The following STPG2 variants were observed in gnomAD, a reference collection of about 807,000 sequenced individuals.
The protein encoded by STPG2 is sperm-tail PG-rich repeat-containing protein 2.
A neutral mutation model predicts 54.2 loss-of-function variants in STPG2; 56 were observed. The ratio of observed to expected loss-of-function variants is 1.03; its 90% CI spans 0.83 to 1.29. STPG2 has a LOEUF of 1.29. Among genes scored for constraint, STPG2 ranks in the 50% most tolerant of loss-of-function variants. STPG2 has a pLI of 0.00. For synonymous variants in STPG2, 200 were observed against 181.8 expected, an observed-to-expected ratio of 1.10 and a Z score of -0.81; for missense variants, 596 against 544.9, an observed-to-expected ratio of 1.09 and a Z score of -0.93.
intron 8 of STPG2, among the ~76,000 whole-genome samples, chr4:97,909,226 T>C (rs566417901): frequency 1.3e-5 from 2 of 151,794 alleles, no homozygotes; most frequent in Admixed American, 1.3e-4. Flanking sequence ...AAGCACATTA[T>C]GAACAACTTT....
intron 8 of STPG2, among the ~76,000 whole-genome samples, chr4:97,935,407 T>TTGG (rs1732711556): frequency 6.6e-6 from 1 of 152,178 alleles, no homozygotes; most frequent in Non-Finnish European, 1.5e-5. Flanking sequence ...CTTAGTTATT[T>TTGG]CTTGTCTTCT....
intron 9 of STPG2, among the ~76,000 whole-genome samples, chr4:97,736,561 C>T (rs1361325987): frequency 2.0e-5 from 3 of 152,160 alleles, no homozygotes; most frequent in Admixed American, 6.5e-5. Flanking sequence ...GATTATATCC[C>T]GCACCTGGCT....
chr4:97,972,541 A>C, intron 6 of STPG2, 101 bp from the exon 7 acceptor site: 1 of 662,742 alleles, frequency 1.5e-6, no homozygotes, highest in Non-Finnish European at 2.2e-6. Flanking sequence ...TAAATAAAAA[A>C]CCCTCACATA....
At chr4:97,791,855 T>C (rs1190862038) in intron 9 of STPG2, among the ~76,000 whole-genome samples, 1 of 151,748 alleles carries the variant, frequency 6.6e-6, no homozygotes, top group Non-Finnish European at 1.5e-5. Context: ...CCACCATAGC[T>C]ATTCAAGCTA....
intron 4 of STPG2, among the ~76,000 whole-genome samples, chr4:97,540,899 G>C (rs1731683056): frequency 6.6e-6 from 1 of 152,028 alleles, no homozygotes; most frequent in African/African-American, 2.4e-5. Flanking sequence ...TGCAGAAAAG[G>C]CCTTTGACAG....
rs1040816059 is a variant in STPG2 at position 97,779,488 on chromosome 4, C to A, written c.1204+61285G>T. 2.6e-5 allele frequency among the ~76,000 whole-genome samples: 4 copies of A among 152,060 alleles called. No homozygotes were observed. In the South Asian group the frequency reaches 6.2e-4, roughly 24 times the overall value. ...CCTGAAAGTGATGGGGAGAATGGAA[C>A]CAAACTGGAAAACACTCTGCAGGAT... is the stretch of plus-strand genomic sequence containing the variant. On this transcript the variant is annotated intron_variant, in intron 9 of 10. Coordinates refer to ENST00000295268, the MANE Select transcript of STPG2 (RefSeq NM_174952.3).
intron 5 of STPG2, among the ~76,000 whole-genome samples, chr4:98,003,971 CAT>C (rs1228708903): frequency 7.9e-5 from 12 of 152,130 alleles, no homozygotes; most frequent in African/African-American, 2.6e-4. Context: ...AGCTAATTAA[CAT>C]GTACATCACC....
At chr4:97,852,901 T>C (rs1173466229) in intron 8 of STPG2, among the ~76,000 whole-genome samples, 3 of 151,318 alleles carry the variant, frequency 2.0e-5, no homozygotes, top group Admixed American at 6.6e-5. Flanking sequence ...AAAAGGCAAA[T>C]TGCACATTTG....
intron 3 of STPG2, among the ~76,000 whole-genome samples, chr4:98,116,556 C>T (rs1739530815): frequency 6.6e-6 from 1 of 151,894 alleles, no homozygotes; most frequent in Non-Finnish European, 1.5e-5. Context: ...ATCCTAATAT[C>T]AAATCATAAG....
chr4:97,708,715 T>A lies in STPG2; in HGVS notation c.1320+3984A>T, dbSNP rs146117153. On this transcript the variant is annotated intron_variant, in intron 10 of 10. Coordinates refer to ENST00000295268, the MANE Select transcript of STPG2 (RefSeq NM_174952.3). ...ATGCAATAGAGAAAATACTTTTTTC[T>A]ATTTTTTGGTGAAAATATAATTAAA... 2.8e-3 allele frequency among the ~76,000 whole-genome samples: 426 copies of A among 151,952 alleles called. 3 individuals carry two copies. The highest frequency in any genetic ancestry group is 9.4e-3 in the African/African-American group (390 of 41,562).
intron 5 of STPG2, among the ~76,000 whole-genome samples, chr4:98,098,140 G>A (rs1738915660): frequency 6.6e-6 from 1 of 152,006 alleles, no homozygotes; most frequent in African/African-American, 2.4e-5. Flanking sequence ...AAATGTATGT[G>A]GAATCACAAA....
chr4:97,535,706 C>T lies in STPG2; in HGVS notation c.462+176993G>A, dbSNP rs1731512984. On this transcript the variant is annotated intron_variant, in intron 4 of 4. Transcript: ENST00000522676. ...TACATTGATTAAAATAATTATCATG[C>T]ACTTGGTGGTGTTTTATGCCTATGC... Among the ~76,000 whole-genome samples the T allele has an allele frequency of 2.0e-5, 3 of 152,102 alleles. No homozygotes were observed. The South Asian group carries it at 6.2e-4, about 31-fold the overall frequency.
At chr4:98,115,314 T>A (rs1739486264) in intron 3 of STPG2, among the ~76,000 whole-genome samples, 2 of 151,952 alleles carry the variant, frequency 1.3e-5, no homozygotes, top group Non-Finnish European at 2.9e-5. Context: ...AGCAAATATG[T>A]CAGTATCATC....
chr4:97,575,613 G>A (rs1732703695), intron 10 of STPG2, among the ~76,000 whole-genome samples: 1 of 151,586 alleles, frequency 6.6e-6, no homozygotes, highest in African/African-American at 2.4e-5. Context: ...GACATCAAAG[G>A]AACACATAAT....
chr4:97,989,317 C>G (rs2149268146), intron 5 of STPG2, among the ~76,000 whole-genome samples: 1 of 152,266 alleles, frequency 6.6e-6, no homozygotes, highest in Admixed American at 6.5e-5. Context: ...TGAAGCTATA[C>G]AGATATGCCG....
At chr4:98,118,486 G>T (rs149742459) in intron 3 of STPG2, among the ~76,000 whole-genome samples, 70 of 152,222 alleles carry the variant, frequency 4.6e-4, no homozygotes, top group African/African-American at 1.5e-3. Context: ...TATGGAAAGA[G>T]AAAGTCTAGA....
At chr4:97,559,852 C>T (rs150415154) in intron 10 of STPG2, among the ~76,000 whole-genome samples, 5 of 152,294 alleles carry the variant, frequency 3.3e-5, no homozygotes, top group Non-Finnish European at 5.9e-5. Flanking sequence ...CACTTCATTA[C>T]TCAATAACAA....
chr4:97,582,341 G>A (rs1404952683), intron 10 of STPG2, among the ~76,000 whole-genome samples: 1 of 151,958 alleles, frequency 6.6e-6, no homozygotes, highest in Non-Finnish European at 1.5e-5. Context: ...TGAAAAAATA[G>A]TAAACATCAT....
intron 9 of STPG2, among the ~76,000 whole-genome samples, chr4:97,767,014 T>C (rs1726075469): frequency 1.3e-5 from 2 of 152,090 alleles, no homozygotes; most frequent in South Asian, 4.1e-4. Context: ...CAAGATTTTC[T>C]ATATGTCTAA....
Sources: gnomAD v4.1 joint callset for allele counts (sites outside exome capture counted in the v4.1 genomes callset) on GRCh38, gnomAD v4.1.1 for gene constraint, MANE v1.5 for transcripts, NCBI Gene and HGNC (gene_info 2026-07-23, HGNC 2026-07-21) for gene names.